R3HDM2: variants seen among roughly 807,000 people sequenced by gnomAD.
The protein encoded by R3HDM2 is R3H domain containing 2.
A neutral mutation model predicts 124.5 loss-of-function variants in R3HDM2; 38 were observed. The ratio of observed to expected loss-of-function variants is 0.31; its 90% CI spans 0.24 to 0.40. The LOEUF (loss-of-function observed/expected upper bound fraction) is 0.40. Ranked by LOEUF, R3HDM2 falls within the 10% of genes least tolerant of loss-of-function variation. The pLI, the probability that R3HDM2 is intolerant of heterozygous loss-of-function variation, is 1.00. For synonymous variants in R3HDM2, 391 were observed against 448.0 expected (o/e 0.87, Z 1.61); for missense variants, 869 against 1,236.9 (o/e 0.70, Z 4.46).
intron 2 of R3HDM2, among the ~76,000 whole-genome samples, chr12:57,395,518 G>A (rs1035734013): frequency 2.6e-5 from 4 of 151,460 alleles, no homozygotes; most frequent in African/African-American, 9.7e-5. Context: ...AAAAAAAGGT[G>A]ATCTGCCCAC....
intron 1 of R3HDM2, among the ~76,000 whole-genome samples, chr12:57,419,647 G>A (rs1220929179): frequency 6.6e-6 from 1 of 151,912 alleles, no homozygotes; most frequent in African/African-American, 2.4e-5. Context: ...TCACAATGTT[G>A]CCCAGATTGC....
At chr12:57,283,620 T>C (rs2046675928) in intron 13 of R3HDM2, among the ~76,000 whole-genome samples, 1 of 151,964 alleles carries the variant, frequency 6.6e-6, no homozygotes, top group Non-Finnish European at 1.5e-5. Flanking sequence ...ATGCCTGTAA[T>C]CCCAGCTATT....
chr12:57,315,395 T>C (rs1331333214), intron 2 of R3HDM2, among the ~76,000 whole-genome samples: 1 of 152,170 alleles, frequency 6.6e-6, no homozygotes, highest in Non-Finnish European at 1.5e-5. Flanking sequence ...CAGGCTGGTC[T>C]CAAACTCCTG....
intron 2 of R3HDM2, among the ~76,000 whole-genome samples, chr12:57,380,280 TTATC>T (rs2064669662): frequency 1.3e-5 from 2 of 152,334 alleles, no homozygotes; most frequent in Middle Eastern, 6.8e-3. Flanking sequence ...CAATCCATTT[TTATC>T]TTTCTGATGA....
chr12:57,396,794 AG>A (rs1330489410), intron 1 of R3HDM2, among the ~76,000 whole-genome samples: 5 of 129,076 alleles, frequency 3.9e-5, no homozygotes, highest in African/African-American at 5.8e-5. Context: ...AAAAAAAAAA[AG>A]AGTAGTCTAG....
chr12:57,344,497 G>A (rs936371103), intron 2 of R3HDM2, among the ~76,000 whole-genome samples: 27 of 152,150 alleles, frequency 1.8e-4, no homozygotes, highest in East Asian at 1.9e-4. Flanking sequence ...GAAAAGAGAT[G>A]AACAGTCAAA....
intron 2 of R3HDM2, among the ~76,000 whole-genome samples, chr12:57,390,247 A>G (rs1441077240): frequency 6.6e-6 from 1 of 152,186 alleles, no homozygotes; most frequent in African/African-American, 2.4e-5. Context: ...GGCATCAGGC[A>G]GTGAACGATA....
At chr12:57,335,788 C>A (rs1298443356) in intron 2 of R3HDM2, among the ~76,000 whole-genome samples, 1 of 151,636 alleles carries the variant, frequency 6.6e-6, no homozygotes, top group Non-Finnish European at 1.5e-5. Context: ...TAGGTGTTAG[C>A]CAGGCATGGT....
intron 13 of R3HDM2, among the ~76,000 whole-genome samples, chr12:57,281,153 G>T (rs959174911): frequency 1.3e-5 from 2 of 151,906 alleles, no homozygotes; most frequent in African/African-American, 4.8e-5. Flanking sequence ...CGAGCTTGAG[G>T]GTGGGCGCCT....
chr12:57,430,489 G>GGCCCCCCCC, intron 1 of R3HDM2: 6 of 790,566 alleles, frequency 7.6e-6, no homozygotes, highest in Non-Finnish European at 9.2e-6. Context: ...CCACCCCCCT[G>GGCCCCCCCC]CCCCCGCACC....
chr12:57,269,777 T>C lies in R3HDM2; in HGVS notation c.1562A>G (p.Gln521Arg), dbSNP rs1274777679. Residue 521 changes from glutamine (Q) to arginine (R), a missense_variant, in exon 15 of 24, where the codon CAG becomes CGG. Gln to Arg is a conservative substitution (Grantham distance 43). Transcript: ENST00000402412. Reference sequence around the variant, plus strand: ...CTGTTGAGGGGGCTGCATGTACCCCTGGGGTGGCAGAACTTGCTGAGTAGG... The same window carrying C: ...CTGTTGAGGGGGCTGCATGTACCCCCGGGGTGGCAGAACTTGCTGAGTAGG... ...APPTQQVLPPQGYMQPPQQIQ... is the reference protein window; with the variant it reads ...APPTQQVLPPRGYMQPPQQIQ... 1 of 1,614,140 alleles carries C rather than the reference T, an allele frequency of 6.2e-7. No individual in the cohort carries two copies. The highest frequency in any genetic ancestry group is 1.7e-5 in the Admixed American group (1 of 60,028).
At chr12:57,343,761 G>T (rs989734488) in intron 2 of R3HDM2, among the ~76,000 whole-genome samples, 1 of 121,006 alleles carries the variant, frequency 8.3e-6, no homozygotes, top group Non-Finnish European at 1.7e-5. Flanking sequence ...TCTTACAAAA[G>T]GTTAAAAAAA....
chr12:57,331,127 C>G (rs931775994), intron 2 of R3HDM2, among the ~76,000 whole-genome samples: 1 of 152,136 alleles, frequency 6.6e-6, no homozygotes, highest in Non-Finnish European at 1.5e-5. Flanking sequence ...CCTCTCTTGG[C>G]GGAATGACTG....
intron 2 of R3HDM2, among the ~76,000 whole-genome samples, chr12:57,392,007 C>CA (rs1187552633): frequency 2.0e-5 from 3 of 151,950 alleles, no homozygotes; most frequent in Non-Finnish European, 4.4e-5. Flanking sequence ...ACTAAAAATA[C>CA]AAAAAATTAG....
At chr12:57,318,857 G>A (rs1593203935) in intron 2 of R3HDM2, among the ~76,000 whole-genome samples, 1 of 152,244 alleles carries the variant, frequency 6.6e-6, no homozygotes, top group East Asian at 1.9e-4. Flanking sequence ...AGTAAACTGA[G>A]GCACAGAGAA....
At chr12:57,429,459 G>C (rs904672465) in intron 1 of R3HDM2, among the ~76,000 whole-genome samples, 1 of 152,018 alleles carries the variant, frequency 6.6e-6, no homozygotes, top group Non-Finnish European at 1.5e-5. Flanking sequence ...TTCCCGGCGC[G>C]GTGGCTCAAG....
intron 19 of R3HDM2, among the ~76,000 whole-genome samples, chr12:57,265,876 A>T: frequency 6.9e-6 from 1 of 144,286 alleles, no homozygotes; most frequent in East Asian, 2.1e-4. Context: ...GGCTCACTGC[A>T]AGCTCCGTCT....
At chr12:57,408,194 G>C (rs2068700978) in intron 1 of R3HDM2, among the ~76,000 whole-genome samples, 1 of 152,136 alleles carries the variant, frequency 6.6e-6, no homozygotes, top group African/African-American at 2.4e-5. Context: ...GCCTCCCAAA[G>C]TGCTGGCATT....
At chr12:57,406,444 C>T (rs534514443) in intron 1 of R3HDM2, among the ~76,000 whole-genome samples, 1 of 151,090 alleles carries the variant, frequency 6.6e-6, no homozygotes, top group South Asian at 2.1e-4. Flanking sequence ...AATAAACAAA[C>T]TAATTATTTT....
Sources: gnomAD v4.1 joint callset for allele counts (sites outside exome capture counted in the v4.1 genomes callset) on GRCh38, gnomAD v4.1.1 for gene constraint, MANE v1.5 for transcripts, NCBI Gene and HGNC (gene_info 2026-07-23, HGNC 2026-07-21) for gene names.